Variants in ARHGEF10L observed in about 807,000 individuals in gnomAD.
ARHGEF10L encodes the protein rho guanine nucleotide exchange factor 10-like protein.
Under a neutral mutation model 141.2 loss-of-function variants are expected in ARHGEF10L, and 69 were observed. The ratio of observed to expected loss-of-function variants is 0.49; its 90% CI spans 0.40 to 0.60. The LOEUF (loss-of-function observed/expected upper bound fraction) is 0.60, where lower values mean the gene tolerates loss of function less well. ARHGEF10L is among the 20% of genes least tolerant of loss of function. ARHGEF10L has a pLI of 0.00. For synonymous variants in ARHGEF10L, 711 were observed against 718.5 expected, an observed-to-expected ratio of 0.99 and a Z score of 0.17; for missense variants, 1,482 against 1,734.3, an observed-to-expected ratio of 0.85 and a Z score of 2.58.
chr1:17,581,927 C>A (rs2078606237), intron 2 of ARHGEF10L, among the ~76,000 whole-genome samples: 1 of 152,036 alleles, frequency 6.6e-6, no homozygotes, highest in South Asian at 2.1e-4. Flanking sequence ...TTCCCTGTGG[C>A]AATGGGTGGC....
the ARHGEF10L span, among the ~76,000 whole-genome samples, chr1:17,523,084 A>ATTTT: frequency 8.7e-6 from 1 of 115,470 alleles, no homozygotes; most frequent in African/African-American, 3.3e-5. Flanking sequence ...TTTGTTTTCC[A>ATTTT]TTTTTTTTTT....
chr1:17,518,241 G>T, the ARHGEF10L span, among the ~76,000 whole-genome samples: 23 of 152,352 alleles, frequency 1.5e-4, 1 homozygote, highest in East Asian at 4.4e-3. Context: ...GGCCTCTATT[G>T]CTGGTGTCTG....
chr1:17,584,613 T>C (rs2078866344), intron 2 of ARHGEF10L, among the ~76,000 whole-genome samples: 1 of 152,148 alleles, frequency 6.6e-6, no homozygotes, highest in South Asian at 2.1e-4. Context: ...CAGGTCTCTA[T>C]GGCAGCGTGC....
At chr1:17,624,836 G>A (rs1032911652) in intron 13 of ARHGEF10L, among the ~76,000 whole-genome samples, 23 of 152,298 alleles carry the variant, frequency 1.5e-4, no homozygotes, top group African/African-American at 2.4e-4. Context: ...TGTGGCTCCC[G>A]GGTTGCTAAG....
At chr1:17,570,409 C>T (rs2077944752) in intron 1 of ARHGEF10L, among the ~76,000 whole-genome samples, 1 of 152,040 alleles carries the variant, frequency 6.6e-6, no homozygotes, top group Non-Finnish European at 1.5e-5. Context: ...TCTGGGGGAA[C>T]AGCATTTCAG....
At position 17,623,031 on chromosome 1, in the gene ARHGEF10L, G is replaced by A. The variant is rs746805360; in HGVS notation, c.1056G>A (p.Lys352=). 1 of 1,613,914 alleles carries A rather than the reference G, an allele frequency of 6.2e-7. No individual in the cohort carries two copies. Among genetic ancestry groups the A allele is most frequent in the Admixed American group, 1.7e-5 (1 of 60,014 alleles). The change falls in exon 12 of 29, where the codon AAG becomes AAA. Residue 352 remains lysine (K), a synonymous_variant. Coordinates refer to ENST00000361221, the MANE Select transcript of ARHGEF10L (RefSeq NM_018125.4). This position sits in a 1 kb window ranked among gnomAD's most constrained non-coding sequence, Gnocchi z 4.7. ...YRNPLMEMEP[K]ALSARKCQVV... ...ACCCCCTGATGGAGATGGAGCCCAA[G>A]GCGCTGAGCGCCCGCAAGTGCCAGG...
At chr1:17,640,108 G>A in intron 20 of ARHGEF10L, 94 bp from the exon 21 acceptor site, 3 of 1,510,266 alleles carry the variant, frequency 2.0e-6, no homozygotes, top group Non-Finnish European at 2.7e-6. Context: ...TGATCTCCAG[G>A]GCGCGTGGGT....
At chr1:17,661,330 G>A (rs376118357) in intron 25 of ARHGEF10L, among the ~76,000 whole-genome samples, 16 of 152,324 alleles carry the variant, frequency 1.1e-4, no homozygotes, top group Non-Finnish European at 1.9e-4. Context: ...CGGCCGCCCC[G>A]GCCTCCCAAA....
At chr1:17,628,139 A>C (rs1571061016) in intron 15 of ARHGEF10L, among the ~76,000 whole-genome samples, 1 of 152,122 alleles carries the variant, frequency 6.6e-6, no homozygotes, top group East Asian at 1.9e-4. Flanking sequence ...GGAGTTCGAG[A>C]CCAGCCTGGC....
intron 22 of ARHGEF10L, among the ~76,000 whole-genome samples, chr1:17,650,268 T>A (rs989018816): frequency 2.0e-5 from 3 of 150,424 alleles, no homozygotes; most frequent in Non-Finnish European, 3.0e-5. Flanking sequence ...TAAAAAAAAA[T>A]TAGCCAGGTG....
intron 4 of ARHGEF10L, among the ~76,000 whole-genome samples, chr1:17,590,465 A>ACG (rs1202540509): frequency 6.6e-6 from 1 of 151,938 alleles, no homozygotes; most frequent in Admixed American, 6.6e-5. Flanking sequence ...CTCCCCCAAC[A>ACG]CAGAGATCTT....
intron 2 of ARHGEF10L, among the ~76,000 whole-genome samples, chr1:17,585,887 C>A (rs1341823506): frequency 1.3e-5 from 2 of 152,170 alleles, no homozygotes; most frequent in Admixed American, 6.5e-5. Flanking sequence ...CTAGAAAATC[C>A]TGTTTGTCCT....
At chr1:17,653,675 T>C (rs532775490) in intron 22 of ARHGEF10L, among the ~76,000 whole-genome samples, 159 of 152,362 alleles carry the variant, frequency 1.0e-3, no homozygotes, top group African/African-American at 3.7e-3. Context: ...CCAAGGCCTC[T>C]GGTGTGCAGC....
intron 4 of ARHGEF10L, among the ~76,000 whole-genome samples, chr1:17,591,569 C>CT (rs1336944762): frequency 1.3e-5 from 2 of 152,098 alleles, no homozygotes; most frequent in African/African-American, 4.8e-5. Flanking sequence ...TGCCACCACG[C>CT]CGAACTAATT....
intron 4 of ARHGEF10L, among the ~76,000 whole-genome samples, chr1:17,592,548 G>A (rs1047030592): frequency 1.3e-5 from 2 of 152,172 alleles, no homozygotes; most frequent in African/African-American, 4.8e-5. Context: ...AGGGCAAGAG[G>A]AGACCAGGCT....
chr1:17,601,990 C>T, intron 4 of ARHGEF10L, 137 bp from the exon 5 acceptor site: 1 of 719,668 alleles, frequency 1.4e-6, no homozygotes, highest in Non-Finnish European at 2.2e-6. Context: ...CTGAGGCCAA[C>T]TCCACCTCAG....
chr1:17,517,827 A>AT, the ARHGEF10L span, among the ~76,000 whole-genome samples: 2 of 151,904 alleles, frequency 1.3e-5, no homozygotes, highest in Admixed American at 6.6e-5. Flanking sequence ...AGCTTGGCTA[A>AT]TTTTTTGTAT....
rs2060887396 is a variant in ARHGEF10L, at chr1:17,634,556, A to G, written c.1739A>G (p.Asn580Ser). ...VCANINFKPA[N>S]HRGQLEISSL... ...CTTGTCTTTTTTCCCAGGCCTGCCA[A>G]CCACAGGTACGTGGTTCAGGGGGCT... The change falls in exon 17 of 29, where the codon AAC becomes AGC. Residue 580 changes from asparagine to serine, a missense_variant. By Grantham distance (46) the Asn-to-Ser change is conservative. Around this residue, in one of 3 missense-constraint regions of ARHGEF10L, gnomAD observed 858 missense variants for 966.3 expected, o/e 0.89. Coordinates refer to ENST00000361221, the MANE Select transcript of ARHGEF10L (RefSeq NM_018125.4). The G allele has an allele frequency of 1.2e-6, 2 of 1,613,788 alleles. No homozygotes were observed. The highest frequency in any genetic ancestry group is 2.7e-5 in the African/African-American group (2 of 74,894).
At chr1:17,552,945 G>A (rs779915310) in intron 1 of ARHGEF10L, among the ~76,000 whole-genome samples, 1 of 152,094 alleles carries the variant, frequency 6.6e-6, no homozygotes, top group Non-Finnish European at 1.5e-5. Flanking sequence ...CCCTTCCTTG[G>A]CAAATCACTT....
Sources: gnomAD v4.1 joint callset for allele counts (sites outside exome capture counted in the v4.1 genomes callset) on GRCh38, gnomAD v4.1.1 for gene constraint, gnomAD v4.1.1 regional missense constraint, Gnocchi (gnomAD v3.1) non-coding constraint, MANE v1.5 for transcripts, NCBI Gene and HGNC (gene_info 2026-07-23, HGNC 2026-07-21) for gene names.